The following MYO18A variants were observed in gnomAD, a reference collection of about 807,000 sequenced individuals.
The protein encoded by MYO18A is unconventional myosin-XVIIIa.
In MYO18A, 78 loss-of-function variants were observed where a neutral mutation model predicts 235.8. The ratio of observed to expected loss-of-function variants is 0.33; its 90% CI spans 0.28 to 0.40. MYO18A has a LOEUF of 0.40. MYO18A is among the 10% of genes least tolerant of loss of function. The probability of loss-of-function intolerance (pLI) is 1.00; values close to 1 mark genes in which losing one functional copy is unlikely to be tolerated. For synonymous variants in MYO18A, 977 were observed against 1,077.8 expected, an observed-to-expected ratio of 0.91 and a Z score of 1.83; for missense variants, 2,215 against 2,699.3, an observed-to-expected ratio of 0.82 and a Z score of 3.98.
intron 38 of MYO18A, 152 bp from the exon 39 acceptor site, chr17:29,086,729 G>T: frequency 8.2e-7 from 1 of 1,217,596 alleles, no homozygotes; most frequent in East Asian, 2.6e-5. Context: ...TTGCTGCTGG[G>T]CTGTGGGGTC....
rs778878321 is a variant in MYO18A, at chr17:29,111,685, G to C, written c.2740+37C>G. 6 of 1,612,644 alleles carry C rather than the reference G, an allele frequency of 3.7e-6. No homozygotes were observed. Among genetic ancestry groups the C allele is most frequent in the Non-Finnish European group, 5.1e-6 (6 of 1,179,266 alleles). On this transcript the variant is annotated intron_variant, in intron 16 of 41. Transcript: ENST00000527372. The surrounding 1 kb of genome is among the most constrained non-coding windows in gnomAD (Gnocchi z 5.1). ...CACCTGGACCCACCTGTATGTAAGA[G>C]GAAGCAGAGGAGCTACCCTCTAGGG...
At chr17:29,098,083 C>A in intron 25 of MYO18A, 22 bp downstream of exon 25, 1 of 1,610,818 alleles carries the variant, frequency 6.2e-7, no homozygotes. Flanking sequence ...GCCTGCTGTT[C>A]TCACCCAGGC....
intron 32 of MYO18A, 40 bp downstream of exon 32, chr17:29,093,283 A>G (rs747191831): frequency 1.3e-6 from 2 of 1,548,042 alleles, no homozygotes; most frequent in South Asian, 2.3e-5. Flanking sequence ...CCGCATGGGC[A>G]GGGAGCCGGC....
chr17:29,080,723 GCCCCCGGCCAGCGCGC>G (rs927784548), intron 41 of MYO18A: 1 of 985,552 alleles, frequency 1.0e-6, no homozygotes, highest in Non-Finnish European at 1.2e-6. Context: ...CGCTTCTGCG[GCCCCCGGCCAGCGCGC>G]CCCCCGGTCC....
intron 2 of MYO18A, among the ~76,000 whole-genome samples, chr17:29,160,765 A>G (rs2068154465): frequency 2.6e-5 from 4 of 152,222 alleles, no homozygotes; most frequent in Admixed American, 2.6e-4. Flanking sequence ...ACAGCCTGAA[A>G]GCCTTTGACT....
intron 2 of MYO18A, among the ~76,000 whole-genome samples, chr17:29,145,979 C>T (rs1007800780): frequency 2.0e-5 from 3 of 152,194 alleles, no homozygotes; most frequent in African/African-American, 7.2e-5. Flanking sequence ...AGGGGCCAGG[C>T]AGGCGTAGTG....
At chr17:29,153,918 G>A (rs562253988) in intron 2 of MYO18A, among the ~76,000 whole-genome samples, 1 of 152,290 alleles carries the variant, frequency 6.6e-6, no homozygotes, top group South Asian at 2.1e-4. Flanking sequence ...GAAGACAAGG[G>A]GGCTGGGGGA....
At chr17:29,114,579 CG>C (rs1397237704) in intron 14 of MYO18A, among the ~76,000 whole-genome samples, 6 of 152,166 alleles carry the variant, frequency 3.9e-5, no homozygotes, top group African/African-American at 1.4e-4. Flanking sequence ...GGAAGGGAGA[CG>C]GGAAGGCCAG....
intron 41 of MYO18A, chr17:29,080,362 C>T (rs1485646184): frequency 2.0e-6 from 2 of 986,124 alleles, no homozygotes; most frequent in East Asian, 2.3e-4. Flanking sequence ...GCTGCGTGGC[C>T]GGGGTGGCAC....
chr17:29,148,861 C>G (rs2152943129), intron 2 of MYO18A, among the ~76,000 whole-genome samples: 1 of 152,328 alleles, frequency 6.6e-6, no homozygotes, highest in South Asian at 2.1e-4. Flanking sequence ...GCACCCTACG[C>G]ACGGGTCAGG....
In MYO18A at chr17:29,117,081, G is replaced by A. The variant is rs1290030747; in HGVS notation, c.2039-626C>T. On this transcript the variant is annotated intron_variant, in intron 10 of 41. Transcript: ENST00000527372. This position sits in a 1 kb window ranked among gnomAD's most constrained non-coding sequence, Gnocchi z 4.6. ...CTGCCAGGACTTTCTCACTCCAGCT[G>A]AGCAGCCTGGGGCCCTTCACATCCC... is the stretch of plus-strand genomic sequence containing the variant. 6.6e-6 allele frequency among the ~76,000 whole-genome samples: 1 copy of A among 152,112 alleles called. No homozygotes were observed. Among genetic ancestry groups the A allele is most frequent in the African/African-American group, 2.4e-5 (1 of 41,426 alleles).
chr17:29,074,973 C>G lies in MYO18A; in HGVS notation c.6021-59G>C. On this transcript the variant is annotated intron_variant, in intron 41 of 41. Coordinates refer to ENST00000527372, the MANE Select transcript of MYO18A (RefSeq NM_078471.4). The surrounding 1 kb of genome is among the most constrained non-coding windows in gnomAD (Gnocchi z 4.4). ...TGACACTCCTACCATTAAGCACGCA[C>G]GCCTTTGGTTCTGGAGGCCCACAAA... The G allele has an allele frequency of 1.3e-6, 2 of 1,597,360 alleles. No homozygotes were observed. The highest frequency in any genetic ancestry group is 1.7e-6 in the Non-Finnish European group (2 of 1,167,904).
chr17:29,101,204 C>G (rs1456254631), intron 21 of MYO18A, among the ~76,000 whole-genome samples: 3 of 151,748 alleles, frequency 2.0e-5, no homozygotes, highest in Non-Finnish European at 2.9e-5. Context: ...CCCTATGTTG[C>G]CCAGGCTGGT....
chr17:29,133,257 G>A (rs1392305971), intron 2 of MYO18A, among the ~76,000 whole-genome samples: 2 of 152,204 alleles, frequency 1.3e-5, no homozygotes, highest in Non-Finnish European at 2.9e-5. Flanking sequence ...TCCCCCATCA[G>A]AAGGGCTCTG....
At chr17:29,141,715 T>C (rs1228432207) in intron 2 of MYO18A, among the ~76,000 whole-genome samples, 1 of 152,220 alleles carries the variant, frequency 6.6e-6, no homozygotes, top group Non-Finnish European at 1.5e-5. Context: ...TCCTGCTCTC[T>C]AGGGAGTGGG....
intron 2 of MYO18A, among the ~76,000 whole-genome samples, chr17:29,136,855 A>C (rs1352139827): frequency 6.6e-6 from 1 of 152,208 alleles, no homozygotes; most frequent in Non-Finnish European, 1.5e-5. Flanking sequence ...GCATGGATTG[A>C]TAGTGTGTTT....
At position 29,074,128 on chromosome 17, in the gene MYO18A, G is replaced by A. The variant is rs2065923622; in HGVS notation, c.*642C>T. ...CCTCATTCTTAAGAACCTGGACCCG[G>A]CTCTCCTCACCAGCGTCTCCAGCTG... On this transcript the variant is annotated 3_prime_UTR_variant, in exon 42 of 42. Transcript: ENST00000527372. The surrounding 1 kb of genome is among the most constrained non-coding windows in gnomAD (Gnocchi z 4.4). 4 of 1,613,996 alleles carry A rather than the reference G, an allele frequency of 2.5e-6. No individual in the cohort carries two copies. The highest frequency in any genetic ancestry group is 1.7e-5 in the Admixed American group (1 of 60,014).
At chr17:29,091,615 A>G (rs902926694) in intron 34 of MYO18A, 5 of 454,970 alleles carry the variant, frequency 1.1e-5, no homozygotes, top group Non-Finnish European at 1.8e-5. Flanking sequence ...CAATTAAGGA[A>G]TTTGAATTAC....
chr17:29,095,077 G>A lies in MYO18A; in HGVS notation c.4386-18C>T, dbSNP rs73988911. 2.8e-3 allele frequency: 4,222 copies of A among 1,508,506 alleles called. 100 individuals are homozygous for A. The African/African-American group carries it at 0.052, about 19-fold the overall frequency. The allele number at this position is 1,508,506 out of a possible 1,614,324, so 93.4% of individuals were successfully genotyped here. Reference sequence around the variant, plus strand: ...TGTCAAACCTGCGAGGGAGTGTGGCGGCTCCATCAGATGGGGAAGAGCCAG... The same window carrying A: ...TGTCAAACCTGCGAGGGAGTGTGGCAGCTCCATCAGATGGGGAAGAGCCAG... On this transcript the variant is annotated intron_variant, in intron 28 of 41. Transcript: ENST00000527372.
Sources: allele counts gnomAD v4.1 joint callset (sites outside exome capture counted in the v4.1 genomes callset), GRCh38; gene constraint gnomAD v4.1.1; non-coding constraint Gnocchi (gnomAD v3.1); transcripts MANE v1.5; gene names NCBI Gene and HGNC (gene_info 2026-07-23, HGNC 2026-07-21).